RAP1GAP2: variants seen among roughly 807,000 people sequenced by gnomAD.
RAP1GAP2 encodes the protein rap1 GTPase-activating protein 2.
In RAP1GAP2, 27 loss-of-function variants were observed where a neutral mutation model predicts 95.0. The ratio of observed to expected loss-of-function variants is 0.28; its 90% CI spans 0.21 to 0.39. The LOEUF (loss-of-function observed/expected upper bound fraction) is 0.39. RAP1GAP2 is among the 10% of genes least tolerant of loss of function. RAP1GAP2 has a pLI of 1.00. For missense variants in RAP1GAP2, 771 were observed against 970.0 expected, an observed-to-expected ratio of 0.79 and a Z score of 2.72; for synonymous variants, 373 against 380.9, an observed-to-expected ratio of 0.98 and a Z score of 0.24.
intron 3 of RAP1GAP2, among the ~76,000 whole-genome samples, chr17:2,929,139 G>C (rs540378469): frequency 1.3e-4 from 20 of 152,196 alleles, no homozygotes; most frequent in African/African-American, 4.1e-4. Context: ...AGGCTGAGGC[G>C]GGAGGATCCC....
chr17:2,777,018 G>T (rs373704856), upstream of RAP1GAP2: 37 of 152,474 alleles, frequency 2.4e-4, no homozygotes, highest in South Asian at 7.4e-3. Flanking sequence ...TGACTGACGG[G>T]GAATCGGAGC....
At chr17:2,980,510 TA>T in intron 9 of RAP1GAP2, 145 bp downstream of exon 9, 1 of 787,938 alleles carries the variant, frequency 1.3e-6, no homozygotes, top group Non-Finnish European at 2.1e-6. Flanking sequence ...ACTGCACTGA[TA>T]GGGGTCTGGG....
chr17:2,845,633 CG>C (rs1567702780), intron 2 of RAP1GAP2, among the ~76,000 whole-genome samples: 1 of 151,592 alleles, frequency 6.6e-6, no homozygotes, highest in African/African-American at 2.4e-5. Flanking sequence ...GAGGCTGAGG[CG>C]GGCGGATCAT....
intron 3 of RAP1GAP2, among the ~76,000 whole-genome samples, chr17:2,925,487 A>G (rs931289398): frequency 1.3e-5 from 2 of 152,052 alleles, no homozygotes; most frequent in Non-Finnish European, 2.9e-5. Flanking sequence ...TCTCATGAGA[A>G]CTCACTCACT....
chr17:2,818,945 G>A (rs2070160100), intron 2 of RAP1GAP2, among the ~76,000 whole-genome samples: 1 of 152,120 alleles, frequency 6.6e-6, no homozygotes, highest in South Asian at 2.1e-4. Context: ...GAACAGAGAG[G>A]GGATGTAGCA....
chr17:2,804,967 T>C (rs1214247277), intron 2 of RAP1GAP2, among the ~76,000 whole-genome samples: 2 of 152,216 alleles, frequency 1.3e-5, no homozygotes, highest in African/African-American at 4.8e-5. Flanking sequence ...TTCGTATTTT[T>C]CTCAGGACCT....
At chr17:2,977,605 C>G (rs760966007) in intron 8 of RAP1GAP2, among the ~76,000 whole-genome samples, 5 of 151,856 alleles carry the variant, frequency 3.3e-5, no homozygotes, top group African/African-American at 1.2e-4. Context: ...ATTAGCTGGG[C>G]GTGGTGGCGC....
chr17:2,908,149 A>G (rs2042262489), intron 3 of RAP1GAP2, among the ~76,000 whole-genome samples: 1 of 152,144 alleles, frequency 6.6e-6, no homozygotes, highest in Non-Finnish European at 1.5e-5. Flanking sequence ...TTGTATACAC[A>G]GGGCAGCTTG....
chr17:2,914,829 T>C, intron 3 of RAP1GAP2, among the ~76,000 whole-genome samples: 1 of 142,562 alleles, frequency 7.0e-6, no homozygotes, highest in East Asian at 2.1e-4. Flanking sequence ...CCTTGCTCTG[T>C]CACCCAGGCT....
chr17:2,840,037 C>T (rs779363507), intron 2 of RAP1GAP2, among the ~76,000 whole-genome samples: 8 of 151,540 alleles, frequency 5.3e-5, no homozygotes, highest in South Asian at 2.1e-4. Flanking sequence ...ACCTCAGGTT[C>T]GCACCCGGCA....
rs562418833 is a variant in RAP1GAP2, at chr17:2,903,808, C to T, written c.81-1476C>T. Among the ~76,000 whole-genome samples, 1 of 152,306 alleles carries T rather than the reference C, an allele frequency of 6.6e-6. No individual in the cohort carries two copies. Among genetic ancestry groups the T allele is most frequent in the East Asian group, 1.9e-4 (1 of 5,166 alleles). On this transcript the variant is annotated intron_variant, in intron 2 of 24. Transcript: ENST00000254695. This position sits in a 1 kb window ranked among gnomAD's most constrained non-coding sequence, Gnocchi z 4.1. The stretch of plus-strand genomic sequence containing the variant: ...AGGCAGGGGTACACATGACCCAGGC[C>T]TAGCCTGGAAGTGTTCTCAGCCTGG...
intron 1 of RAP1GAP2, among the ~76,000 whole-genome samples, chr17:2,769,606 TAAA>T (rs983659796): frequency 9.6e-4 from 145 of 151,524 alleles, no homozygotes; most frequent in African/African-American, 3.4e-3. Context: ...TAAAATAAAA[TAAA>T]AAAGAAAAAA....
chr17:2,795,971 T>C (rs1187681361), upstream of RAP1GAP2, among the ~76,000 whole-genome samples: 5 of 152,184 alleles, frequency 3.3e-5, no homozygotes, highest in Non-Finnish European at 7.4e-5. Context: ...CATGTATACT[T>C]ACATCCACGT....
intron 2 of RAP1GAP2, among the ~76,000 whole-genome samples, chr17:2,849,795 C>T (rs946534816): frequency 2.6e-5 from 4 of 152,176 alleles, no homozygotes. Flanking sequence ...CCCTTCTCTG[C>T]CGTCAGAGAC....
At chr17:3,020,289 G>T (rs2046912358) in intron 18 of RAP1GAP2, among the ~76,000 whole-genome samples, 188 bp from the exon 19 acceptor site, 1 of 152,250 alleles carries the variant, frequency 6.6e-6, no homozygotes, top group African/African-American at 2.4e-5. Context: ...CACAGGGAAG[G>T]AGGCTGTGAC....
chr17:2,785,968 C>T (rs999123426), intron 1 of RAP1GAP2, among the ~76,000 whole-genome samples: 1 of 141,096 alleles, frequency 7.1e-6, no homozygotes, highest in Non-Finnish European at 1.5e-5. Flanking sequence ...GTGGTCAGAT[C>T]TCGGCTCACC....
chr17:2,899,554 G>A lies in RAP1GAP2; in HGVS notation c.81-5730G>A, dbSNP rs549351530. 4.0e-5 allele frequency among the ~76,000 whole-genome samples: 6 copies of A among 149,970 alleles called. No individual in the cohort carries two copies. In the East Asian group the frequency reaches 8.0e-4, roughly 20 times the overall value. On this transcript the variant is annotated intron_variant, in intron 2 of 24. Transcript: ENST00000254695. ...GAGGTGGAGTCTCGCTCTGTCACCC[G>A]GGCTGGAGTGCAGTGGCACAATCTT... is the stretch of plus-strand genomic sequence containing the variant.
intron 1 of RAP1GAP2, among the ~76,000 whole-genome samples, chr17:2,762,492 G>T (rs1286008343): frequency 6.7e-6 from 1 of 150,246 alleles, no homozygotes; most frequent in Non-Finnish European, 1.5e-5. Flanking sequence ...CCACCTCCCA[G>T]GTTCAAGTGA....
chr17:2,914,690 C>T (rs1161794497), intron 3 of RAP1GAP2, among the ~76,000 whole-genome samples: 2 of 151,354 alleles, frequency 1.3e-5, no homozygotes, highest in Non-Finnish European at 2.9e-5. Context: ...CGGGGTTTCA[C>T]CGTGTTAGCC....
Sources: gnomAD v4.1 joint callset for allele counts (sites outside exome capture counted in the v4.1 genomes callset) on GRCh38, gnomAD v4.1.1 for gene constraint, Gnocchi (gnomAD v3.1) non-coding constraint, MANE v1.5 for transcripts, NCBI Gene and HGNC (gene_info 2026-07-23, HGNC 2026-07-21) for gene names.